CAPRIN1: variants seen among roughly 807,000 people sequenced by gnomAD.
The protein encoded by CAPRIN1 is caprin-1.
Under a neutral mutation model 100.9 loss-of-function variants are expected in CAPRIN1, and 29 were observed. That is an observed-to-expected ratio of 0.29 (90% CI 0.21 to 0.39). The LOEUF is 0.39. Among genes scored for constraint, CAPRIN1 ranks in the 10% least tolerant of loss-of-function variants. The pLI, the probability that CAPRIN1 is intolerant of heterozygous loss-of-function variation, is 1.00. For missense variants in CAPRIN1, 795 were observed against 876.7 expected (o/e 0.91, Z 1.18); for synonymous variants, 338 against 307.5 (o/e 1.10, Z -1.04).
At chr11:34,097,097 T>C (rs2134139440) in intron 16 of CAPRIN1, 99 bp from the exon 17 acceptor site, 2 of 811,590 alleles carry the variant, frequency 2.5e-6, no homozygotes, top group African/African-American at 1.7e-5. Flanking sequence ...TTAACTAGCC[T>C]GGCTTATAAT....
At chr11:34,093,487 C>G (rs758835262) in intron 15 of CAPRIN1, among the ~76,000 whole-genome samples, 22 of 152,152 alleles carry the variant, frequency 1.4e-4, no homozygotes, top group South Asian at 4.1e-4. Context: ...TTAATACTTT[C>G]ATTTTGTCAG....
Position 34,073,374 on chromosome 11 carries a change from G to A in CAPRIN1, c.366+1387G>A, listed in dbSNP as rs527533777. Among the ~76,000 whole-genome samples, 7 of 152,334 alleles carry A rather than the reference G, an allele frequency of 4.6e-5. No individual in the cohort carries two copies. In the East Asian group the frequency reaches 5.8e-4, roughly 13 times the overall value. On this transcript the variant is annotated intron_variant, in intron 4 of 18. Transcript: ENST00000341394. ...GTGCCTCGGTTTTCTAATCTGTAAA[G>A]TGGTAATAATAACCTCATACGGTTG... is the stretch of plus-strand genomic sequence containing the variant.
At chr11:34,082,107 T>A (rs1475410582) in intron 7 of CAPRIN1, among the ~76,000 whole-genome samples, 1 of 152,226 alleles carries the variant, frequency 6.6e-6, no homozygotes, top group African/African-American at 2.4e-5. Context: ...CCAGCGCGCC[T>A]GGCCTAGTTG....
chr11:34,076,244 A>G lies in CAPRIN1; in HGVS notation c.375A>G (p.Lys125=). 6.2e-7 allele frequency: 1 copy of G among 1,611,602 alleles called. No individual in the cohort carries two copies. Among genetic ancestry groups the G allele is most frequent in the Non-Finnish European group, 8.5e-7 (1 of 1,178,916 alleles). The change falls in exon 5 of 19, where the codon AAA becomes AAG. Residue 125 remains lysine (K), a synonymous_variant. Transcript: ENST00000341394. ...SFMALSQDIQ[K]TIKKTARREQ... ...TTTATATTGTTTTGCAGATTCAGAA[A>G]ACAATAAAGAAGACAGCACGTCGGG...
intron 2 of CAPRIN1, among the ~76,000 whole-genome samples, chr11:34,061,179 A>G (rs970744892): frequency 1.9e-4 from 29 of 150,722 alleles, no homozygotes; most frequent in African/African-American, 7.1e-4. Context: ...ATTATCTTAC[A>G]ATGGAACCTT....
chr11:34,084,827 A>G (rs975740436), intron 9 of CAPRIN1, among the ~76,000 whole-genome samples: 4 of 152,160 alleles, frequency 2.6e-5, no homozygotes, highest in East Asian at 1.9e-4. Flanking sequence ...CAAGGTAAAT[A>G]TTGACATAGT....
chr11:34,097,588 G>A lies in CAPRIN1; in HGVS notation c.2002-110G>A, dbSNP rs548452628. 1,150 of 1,165,546 alleles carry A rather than the reference G, an allele frequency of 9.9e-4. 14 individuals carry two copies. Among genetic ancestry groups the A allele is most frequent in the South Asian group, 9.0e-3 (690 of 76,438 alleles). 72.2% of individuals were successfully genotyped at this position (1,165,546 alleles called of 1,614,324 possible). On this transcript the variant is annotated intron_variant, in intron 17 of 18. Coordinates refer to ENST00000341394, the MANE Select transcript of CAPRIN1 (RefSeq NM_005898.5). ...GTAGCTGTGATAAACTGATACTGAA[G>A]TGTCTAAAAGATTAAGGAAGAATTC... is the stretch of plus-strand genomic sequence containing the variant.
chr11:34,090,748 T>G, intron 14 of CAPRIN1, 70 bp downstream of exon 14: 1 of 1,417,768 alleles, frequency 7.1e-7, no homozygotes, highest in Non-Finnish European at 9.9e-7. Flanking sequence ...TTTTCTTTTT[T>G]AAAGGTCTTC....
intron 2 of CAPRIN1, among the ~76,000 whole-genome samples, chr11:34,060,417 C>G (rs1327081345): frequency 1.3e-5 from 2 of 152,034 alleles, no homozygotes; most frequent in African/African-American, 4.8e-5. Context: ...ATAGCTCATT[C>G]CAACCTTGAA....
chr11:34,055,439 C>T (rs757106317), intron 2 of CAPRIN1, among the ~76,000 whole-genome samples: 16 of 152,212 alleles, frequency 1.1e-4, no homozygotes, highest in Non-Finnish European at 1.3e-4. Flanking sequence ...TCTCCTGCCT[C>T]GGCCCCCCGC....
intron 2 of CAPRIN1, among the ~76,000 whole-genome samples, chr11:34,066,416 C>G (rs1850695956): frequency 1.3e-5 from 2 of 151,826 alleles, no homozygotes; most frequent in Admixed American, 1.3e-4. Flanking sequence ...TCTCTGCAAC[C>G]TCTGCCACCT....
At position 34,090,678 on chromosome 11, in the gene CAPRIN1, G is replaced by A. The variant is rs1851245946; in HGVS notation, c.1554G>A (p.Thr518=). Residue 518 remains threonine, a splice_region_variant and synonymous_variant, in exon 14 of 19, where the codon ACG becomes ACA. Coordinates refer to ENST00000341394, the MANE Select transcript of CAPRIN1 (RefSeq NM_005898.5). ...CAGCTCCATTCCAATCCATGCAAAC[G>A]GTAAGCAAATTAACTAACATTAATT... ...VNAAPFQSMQ[T]VFNMNAPVPP... is the part of the protein sequence containing the mutation. 3.1e-6 allele frequency: 5 copies of A among 1,611,686 alleles called. No individual in the cohort carries two copies. The highest frequency in any genetic ancestry group is 2.2e-5 in the East Asian group (1 of 44,802).
At chr11:34,084,544 T>G (rs978222198) in intron 9 of CAPRIN1, among the ~76,000 whole-genome samples, 3 of 152,212 alleles carry the variant, frequency 2.0e-5, no homozygotes, top group African/African-American at 7.2e-5. Flanking sequence ...CACACCGAAG[T>G]CTGCTCATAC....
intron 2 of CAPRIN1, 26 bp downstream of exon 2, chr11:34,052,662 G>A: frequency 6.3e-7 from 1 of 1,582,222 alleles, no homozygotes; most frequent in Non-Finnish European, 8.6e-7. Flanking sequence ...GGGGAAGGGA[G>A]GGGTGGCTGC....
intron 15 of CAPRIN1, among the ~76,000 whole-genome samples, chr11:34,095,525 T>G (rs368740868): frequency 2.6e-5 from 4 of 152,190 alleles, no homozygotes; most frequent in African/African-American, 4.8e-5. Context: ...TGGAGTTTCT[T>G]AAGGGTGTAA....
chr11:34,061,362 G>A lies in CAPRIN1; in HGVS notation c.216+8726G>A, dbSNP rs575004239. On this transcript the variant is annotated intron_variant, in intron 2 of 18. Coordinates refer to ENST00000341394, the MANE Select transcript of CAPRIN1 (RefSeq NM_005898.5). ...GCTGGTATTATAGGCAACCACCACCGCACCCGGCTAATTTTCTGTATTTTT... is the reference window on the plus strand; with the variant it reads ...GCTGGTATTATAGGCAACCACCACCACACCCGGCTAATTTTCTGTATTTTT... Among the ~76,000 whole-genome samples the A allele has an allele frequency of 5.4e-4, 82 of 151,574 alleles. 1 individual carries two copies. Among genetic ancestry groups the A allele is most frequent in the African/African-American group, 1.9e-3 (77 of 41,310 alleles).
intron 7 of CAPRIN1, among the ~76,000 whole-genome samples, chr11:34,081,870 G>T (rs1348048958): frequency 6.6e-6 from 1 of 152,122 alleles, no homozygotes; most frequent in African/African-American, 2.4e-5. Context: ...GGAGTGCAGT[G>T]GCGCGATCTC....
rs925635692 is a variant in CAPRIN1, at chr11:34,102,380, T to C, written c.*3013T>C. Among the ~76,000 whole-genome samples, 7 of 150,934 alleles carry C rather than the reference T, an allele frequency of 4.6e-5. No homozygotes were observed. Among genetic ancestry groups the C allele is most frequent in the African/African-American group, 1.7e-4 (7 of 40,238 alleles). ...TCCTGAATCTGCATTCCACTTGGGTTGTTTTTAAGCATTCTAAATTTTAGT... is the reference window on the plus strand; with the variant it reads ...TCCTGAATCTGCATTCCACTTGGGTCGTTTTTAAGCATTCTAAATTTTAGT... On this transcript the variant is annotated 3_prime_UTR_variant, in exon 19 of 19. Transcript: ENST00000341394.
chr11:34,087,793 A>G (rs1413782427), intron 11 of CAPRIN1, among the ~76,000 whole-genome samples: 1 of 152,206 alleles, frequency 6.6e-6, no homozygotes, highest in Admixed American at 6.5e-5. Flanking sequence ...CATAGCACTG[A>G]TAAAACCTGT....
Sources: allele counts gnomAD v4.1 joint callset (sites outside exome capture counted in the v4.1 genomes callset), GRCh38; gene constraint gnomAD v4.1.1; transcripts MANE v1.5; gene names NCBI Gene and HGNC (gene_info 2026-07-23, HGNC 2026-07-21).